The following NFIL3 variants were observed in gnomAD, a reference collection of about 807,000 sequenced individuals.
NFIL3 encodes nuclear factor interleukin-3-regulated protein.
Under a neutral mutation model 10.0 loss-of-function variants are expected in NFIL3, and 5 were observed. That is an observed-to-expected ratio of 0.50 (90% confidence interval 0.26 to 1.06). NFIL3 has a LOEUF of 1.06. NFIL3 is among the 50% of genes least tolerant of loss of function. NFIL3 has a pLI of 0.13. For synonymous variants in NFIL3, 202 were observed against 206.5 expected (o/e 0.98, Z 0.19); for missense variants, 436 against 547.6 (o/e 0.80, Z 2.03).
At chr9:91,458,297 A>G in the NFIL3 span, among the ~76,000 whole-genome samples, 1 of 152,092 alleles carries the variant, frequency 6.6e-6, no homozygotes, top group East Asian at 1.9e-4. Context: ...GAGGATTTTA[A>G]CTAAAAATTC....
chr9:91,456,410 G>T, the NFIL3 span, among the ~76,000 whole-genome samples: 23 of 152,076 alleles, frequency 1.5e-4, no homozygotes, highest in African/African-American at 5.5e-4. Context: ...TCAGTCTTTC[G>T]AATTTTATCT....
the NFIL3 span, among the ~76,000 whole-genome samples, chr9:91,454,174 C>T: frequency 6.8e-6 from 1 of 147,786 alleles, no homozygotes; most frequent in African/African-American, 2.5e-5. Context: ...GTGGAGGTTG[C>T]AGCGAGCCAA....
chr9:91,415,690 C>T (rs1001288184), intron 1 of NFIL3, among the ~76,000 whole-genome samples: 1 of 151,396 alleles, frequency 6.6e-6, no homozygotes, highest in African/African-American at 2.4e-5. Context: ...TGCAATGGCG[C>T]GATCTTGGCT....
At chr9:91,473,738 G>A in the NFIL3 span, among the ~76,000 whole-genome samples, 1 of 152,234 alleles carries the variant, frequency 6.6e-6, no homozygotes, top group Non-Finnish European at 1.5e-5. Context: ...CAGTCCCAGT[G>A]AGATGAACCA....
chr9:91,467,019 C>G, the NFIL3 span, among the ~76,000 whole-genome samples: 1 of 152,276 alleles, frequency 6.6e-6, no homozygotes, highest in East Asian at 1.9e-4. Flanking sequence ...TTCTGCAAAG[C>G]AGACTGCATT....
chr9:91,471,612 A>G, the NFIL3 span, among the ~76,000 whole-genome samples: 1,010 of 151,776 alleles, frequency 6.7e-3, 10 homozygotes, highest in African/African-American at 0.023. Flanking sequence ...TGCTGCACCC[A>G]TTAACTCGTC....
At chr9:91,416,919 G>A (rs1396973366) in intron 1 of NFIL3, among the ~76,000 whole-genome samples, 2 of 152,126 alleles carry the variant, frequency 1.3e-5, no homozygotes, top group Non-Finnish European at 2.9e-5. Flanking sequence ...ATTTATCCTT[G>A]AGGAGTTATC....
At chr9:91,414,280 C>T (rs868463589) in intron 1 of NFIL3, among the ~76,000 whole-genome samples, 6 of 152,268 alleles carry the variant, frequency 3.9e-5, no homozygotes, top group Admixed American at 6.5e-5. Context: ...CTTGGCTCAC[C>T]GCAACCTCTG....
At chr9:91,430,310 C>T in the NFIL3 span, among the ~76,000 whole-genome samples, 1 of 152,170 alleles carries the variant, frequency 6.6e-6, no homozygotes, top group African/African-American at 2.4e-5. Flanking sequence ...ATTTATGGAG[C>T]ACCTGCTGGG....
upstream of NFIL3, among the ~76,000 whole-genome samples, chr9:91,425,962 T>C (rs1185916916): frequency 1.3e-5 from 2 of 152,202 alleles, no homozygotes; most frequent in Admixed American, 6.5e-5. Flanking sequence ...CCCCTTCACG[T>C]GTTCTGACCT....
intron 1 of NFIL3, among the ~76,000 whole-genome samples, chr9:91,422,882 C>A (rs1329827486): frequency 6.6e-6 from 1 of 152,168 alleles, no homozygotes; most frequent in Non-Finnish European, 1.5e-5. Context: ...GTAATATAGA[C>A]GTAAATAACG....
At chr9:91,465,003 T>C in the NFIL3 span, among the ~76,000 whole-genome samples, 4 of 152,218 alleles carry the variant, frequency 2.6e-5, no homozygotes, top group East Asian at 7.7e-4. Flanking sequence ...CTAGATATAT[T>C]GGTATTTATT....
At chr9:91,437,059 C>A in the NFIL3 span, among the ~76,000 whole-genome samples, 1 of 152,182 alleles carries the variant, frequency 6.6e-6, no homozygotes, top group Non-Finnish European at 1.5e-5. Flanking sequence ...AGAGTTCACA[C>A]TCCTATGAGA....
the NFIL3 span, among the ~76,000 whole-genome samples, chr9:91,452,568 A>C: frequency 3.0e-4 from 45 of 152,242 alleles, no homozygotes; most frequent in African/African-American, 1.0e-3. Context: ...TGAGGTCAGG[A>C]GTTCGAGACC....
chr9:91,424,074 AGCGCCCGCGAGGGCTG>A (rs1165855963), upstream of NFIL3, among the ~76,000 whole-genome samples: 1 of 149,302 alleles, frequency 6.7e-6, no homozygotes, highest in Non-Finnish European at 1.5e-5. Flanking sequence ...CCGCCGTCCG[AGCGCCCGCGAGGGCTG>A]GCGCCCCATT....
chr9:91,434,202 A>G, the NFIL3 span, among the ~76,000 whole-genome samples: 2 of 152,162 alleles, frequency 1.3e-5, no homozygotes, highest in East Asian at 3.8e-4. Flanking sequence ...ATCACTGGAG[A>G]CCAGGAGATT....
chr9:91,410,825 A>G lies in NFIL3; in HGVS notation c.-91T>C. 7.6e-7 allele frequency: 1 copy of G among 1,316,424 alleles called. No individual in the cohort carries two copies. The highest frequency in any genetic ancestry group is 2.4e-5 in the East Asian group (1 of 41,782). 81.5% of individuals were successfully genotyped at this position (1,316,424 alleles called of 1,614,324 possible). A position where few individuals can be genotyped will look rare whatever the true frequency, so the allele number is the denominator to read the frequency against. On this transcript the variant is annotated 5_prime_UTR_variant, in exon 2 of 2. The change abolishes an upstream ATG in the 5' untranslated region. Transcript: ENST00000297689. The surrounding 1 kb of genome is among the most constrained non-coding windows in gnomAD (Gnocchi z 5.7). ...CTTTAAAAACTCTGGTTTAAAATCC[A>G]TCAATATTCTTCCTTTTGTTCTACC...
At chr9:91,460,271 C>CTTTTTTTTTTTTTTTTTTTTTTTTTTTT in the NFIL3 span, among the ~76,000 whole-genome samples, 26 of 70,422 alleles carry the variant, frequency 3.7e-4, 9 homozygotes, top group African/African-American at 1.7e-3. Flanking sequence ...GGGCTTGGTT[C>CTTTTTTTTTTTTTTTTTTTTTTTTTTTT]TTTTTTTTTT....
chr9:91,410,025 C>G lies in NFIL3; in HGVS notation c.710G>C (p.Gly237Ala), dbSNP rs1214725318. Residue 237 changes from glycine to alanine, a missense_variant, in exon 2 of 2, where the codon GGC becomes GCC. Physicochemically the swap from Gly to Ala is moderately conservative, Grantham distance 60. Coordinates refer to ENST00000297689, the MANE Select transcript of NFIL3 (RefSeq NM_005384.3). This position sits in a 1 kb window ranked among gnomAD's most constrained non-coding sequence, Gnocchi z 5.7. ...SYTREPRDDR[G>A]SYTASIYQNY... ...TTGATAGATGGACGCTGTGTAAGAG[C>G]CTCGGTCATCTCTTGGCTCCCTTGT... 1 of 1,612,554 alleles carries G rather than the reference C, an allele frequency of 6.2e-7. No homozygotes were observed. Among genetic ancestry groups the G allele is most frequent in the East Asian group, 2.2e-5 (1 of 44,888 alleles).
Sources: gnomAD v4.1 joint callset for allele counts (sites outside exome capture counted in the v4.1 genomes callset) on GRCh38, gnomAD v4.1.1 for gene constraint, Gnocchi (gnomAD v3.1) non-coding constraint, MANE v1.5 for transcripts, NCBI Gene and HGNC (gene_info 2026-07-23, HGNC 2026-07-21) for gene names.